Variants in P2RX3 observed in about 807,000 individuals in gnomAD.
P2RX3 encodes purinergic receptor P2X 3.
In P2RX3, 41 loss-of-function variants were observed where a neutral mutation model predicts 51.5. That is an observed-to-expected ratio of 0.80 (90% CI 0.62 to 1.03). P2RX3 has a LOEUF of 1.03. Ranked by LOEUF, P2RX3 falls within the 50% of genes least tolerant of loss-of-function variation. The probability of loss-of-function intolerance (pLI) is 0.00; values close to 1 mark genes in which losing one functional copy is unlikely to be tolerated. For missense variants in P2RX3, 459 were observed against 522.1 expected (o/e 0.88, Z 1.18); for synonymous variants, 185 against 191.6 (o/e 0.97, Z 0.29).
intron 10 of P2RX3, 28 bp downstream of exon 10, chr11:57,368,465 G>T: frequency 6.2e-7 from 1 of 1,612,162 alleles, no homozygotes. Context: ...ACGCTCTGAC[G>T]GGCCAGTCAG....
chr11:57,350,751 C>T lies in P2RX3; in HGVS notation c.706-11C>T, dbSNP rs1856531563. On this transcript the variant is annotated splice_polypyrimidine_tract_variant and intron_variant, in intron 7 of 11. Coordinates refer to ENST00000263314, the MANE Select transcript of P2RX3 (RefSeq NM_002559.5). ...GCGAGGGGAAAGCTCATACCCGGCC[C>T]GTTTCTTCAGGGGGGAGTTCTGGGC... The T allele has an allele frequency of 6.2e-7, 1 of 1,613,902 alleles. No homozygotes were observed. Among genetic ancestry groups the T allele is most frequent in the African/African-American group, 1.3e-5 (1 of 74,958 alleles).
intron 4 of P2RX3, among the ~76,000 whole-genome samples, 164 bp downstream of exon 4, chr11:57,347,642 G>T (rs1055976043): frequency 9.2e-5 from 14 of 152,184 alleles, no homozygotes; most frequent in Admixed American, 7.2e-4. Flanking sequence ...TACAAAGGTG[G>T]CATGGCCCCT....
At position 57,338,438 on chromosome 11, in the gene P2RX3, C is replaced by T; in HGVS notation, c.-113C>T. On this transcript the variant is annotated 5_prime_UTR_variant, in exon 1 of 12. Transcript: ENST00000263314. ...GGACAGGCTCCCCATTCCTCCAACC[C>T]CTCTAAGCTGCCCCCTCCAGGTCGT... is the stretch of plus-strand genomic sequence containing the variant. 1 of 633,910 alleles carries T rather than the reference C, an allele frequency of 1.6e-6. No homozygotes were observed. The highest frequency in any genetic ancestry group is 2.2e-5 in the South Asian group (1 of 44,878). 39.3% of individuals were successfully genotyped at this position (633,910 alleles called of 1,614,324 possible). A position where few individuals can be genotyped will look rare whatever the true frequency, so the allele number is the denominator to read the frequency against.
At chr11:57,350,991 C>G (rs1856538141) in intron 8 of P2RX3, 93 bp downstream of exon 8, 8 of 1,557,918 alleles carry the variant, frequency 5.1e-6, no homozygotes, top group South Asian at 2.3e-5. Context: ...ATCCATCCAC[C>G]CACCCCTGGC....
rs758612718 is a variant in P2RX3, at chr11:57,348,673, A to T, written c.532A>T (p.Ser178Cys). 6.8e-6 allele frequency: 11 copies of T among 1,613,820 alleles called. No individual in the cohort carries two copies. Among genetic ancestry groups the T allele is most frequent in the Non-Finnish European group, 9.3e-6 (11 of 1,179,984 alleles). Residue 178 changes from serine (S) to cysteine (C), a missense_variant, in exon 6 of 12, where the codon AGC (serine) becomes TGC (cysteine). Physicochemically the swap from Ser to Cys is moderately radical, Grantham distance 112. Transcript: ENST00000263314. ...AENFTIFIKN[S>C]IRFPLFNFEK... ...GAACTTCACTATTTTCATCAAGAAC[A>T]GCATCCGTTTCCCCCTCTTCAACTT...
Position 57,368,107 on chromosome 11 carries a change from G to A in P2RX3, c.936+5G>A. The A allele has an allele frequency of 6.2e-7, 1 of 1,613,702 alleles. No homozygotes were observed. Among genetic ancestry groups the A allele is most frequent in the Non-Finnish European group, 8.5e-7 (1 of 1,179,592 alleles). On this transcript the variant is annotated splice_donor_5th_base_variant and intron_variant, in intron 9 of 11. Coordinates refer to ENST00000263314, the MANE Select transcript of P2RX3 (RefSeq NM_002559.5). ...GACGTGCTGGTATACGGGAATGTGA[G>A]TCCATGGGCCAGGCAGATGGGGTGG...
At chr11:57,368,594 C>T (rs908758831) in intron 10 of P2RX3, among the ~76,000 whole-genome samples, 157 bp downstream of exon 10, 3 of 152,360 alleles carry the variant, frequency 2.0e-5, no homozygotes, top group Middle Eastern at 3.4e-3. Context: ...TTGGCCACCA[C>T]CCTGCTGCGT....
chr11:57,337,582 C>G (rs1318106573), upstream of P2RX3, among the ~76,000 whole-genome samples: 1 of 152,140 alleles, frequency 6.6e-6, no homozygotes, highest in Non-Finnish European at 1.5e-5. Context: ...GAAAACCAAA[C>G]ACCGCATATT....
Position 57,338,476 on chromosome 11 carries a change from C to A in P2RX3, c.-75C>A. ...CCCTCCAGGTCGTGATCTCGTCTCC[C>A]TGTCCTGTAGGACCTCCCTCTCCTG... On this transcript the variant is annotated 5_prime_UTR_variant, in exon 1 of 12. It adds an upstream start codon to the 5' untranslated region. Transcript: ENST00000263314. 2 of 1,016,542 alleles carry A rather than the reference C, an allele frequency of 2.0e-6. No homozygotes were observed. The highest frequency in any genetic ancestry group is 1.6e-5 in the South Asian group (1 of 63,020). 63.0% of individuals were successfully genotyped at this position (1,016,542 alleles called of 1,614,324 possible).
chr11:57,348,539 A>G, intron 5 of P2RX3, 88 bp from the exon 6 acceptor site: 1 of 1,121,702 alleles, frequency 8.9e-7, no homozygotes, highest in Non-Finnish European at 1.3e-6. Context: ...CTTTGGAGGC[A>G]TCCACCAGGA....
chr11:57,368,030 G>A lies in P2RX3; in HGVS notation c.864G>A (p.Met288Ile). ...YNFRFAKYYKMENGSEYRTLL... is the reference protein window; with the variant it reads ...YNFRFAKYYKIENGSEYRTLL... ...CCAGGTTTGCCAAGTACTACAAAAT[G>A]GAAAATGGCAGTGAGTACCGCACCC... Residue 288 changes from methionine (M) to isoleucine (I), a missense_variant, in exon 9 of 12, where the codon ATG becomes ATA. Met to Ile is a conservative substitution (Grantham distance 10). Transcript: ENST00000263314. 1.2e-6 allele frequency: 2 copies of A among 1,614,162 alleles called. No homozygotes were observed. The highest frequency in any genetic ancestry group is 1.7e-6 in the Non-Finnish European group (2 of 1,180,004).
chr11:57,368,578 GTCTC>G, intron 10 of P2RX3, 141 bp downstream of exon 10: 1 of 908,412 alleles, frequency 1.1e-6, no homozygotes. Flanking sequence ...AGGTGCTTCA[GTCTC>G]CTTGGCCACC....
intron 8 of P2RX3, among the ~76,000 whole-genome samples, chr11:57,352,336 A>G (rs1449403057): frequency 2.6e-5 from 4 of 152,226 alleles, no homozygotes; most frequent in Non-Finnish European, 1.5e-5. Context: ...AAAAAACCAT[A>G]GGAAACAACA....
In P2RX3 at chr11:57,368,456, C is replaced by G. The variant is rs768359493; in HGVS notation, c.1002+19C>G. On this transcript the variant is annotated intron_variant, in intron 10 of 11. Coordinates refer to ENST00000263314, the MANE Select transcript of P2RX3 (RefSeq NM_002559.5). ...GGGAGTGGTGAGTTCAGCCCCTCCA[C>G]GCTCTGACGGGCCAGTCAGAGTGGG... 1.2e-6 allele frequency: 2 copies of G among 1,613,688 alleles called. No individual in the cohort carries two copies. The highest frequency in any genetic ancestry group is 1.7e-6 in the Non-Finnish European group (2 of 1,179,658).
intron 5 of P2RX3, 47 bp from the exon 6 acceptor site, chr11:57,348,580 C>T: frequency 2.0e-6 from 3 of 1,505,200 alleles, no homozygotes; most frequent in African/African-American, 1.4e-5. Context: ...GCCTTCATTT[C>T]CCCCTCTTCT....
At chr11:57,351,768 G>A (rs1158810816) in intron 8 of P2RX3, among the ~76,000 whole-genome samples, 1 of 152,096 alleles carries the variant, frequency 6.6e-6, no homozygotes, top group African/African-American at 2.4e-5. Context: ...ACGTGCTGAG[G>A]ACCGTACTCA....
chr11:57,350,028 G>A lies in P2RX3; in HGVS notation c.705+130G>A, dbSNP rs1455444042. The A allele has an allele frequency of 2.2e-6, 3 of 1,368,488 alleles. No individual in the cohort carries two copies. In the African/African-American group the frequency reaches 4.3e-5, roughly 20 times the overall value. 84.8% of individuals were successfully genotyped at this position (1,368,488 alleles called of 1,614,324 possible). The stretch of plus-strand genomic sequence containing the variant: ...AGCGCCACCTGGTGGAAGCATCCCA[G>A]GCCGCCACTGGCTTTGTGCCTGAAT... On this transcript the variant is annotated intron_variant, in intron 7 of 11. Coordinates refer to ENST00000263314, the MANE Select transcript of P2RX3 (RefSeq NM_002559.5).
chr11:57,347,039 G>A (rs1856449031), intron 2 of P2RX3, 77 bp from the exon 3 acceptor site: 3 of 1,393,700 alleles, frequency 2.2e-6, no homozygotes, highest in African/African-American at 1.4e-5. Context: ...TCTGTAGAGT[G>A]GGGATAATCA....
At chr11:57,354,425 C>A (rs369799673) in intron 8 of P2RX3, among the ~76,000 whole-genome samples, 1 of 152,168 alleles carries the variant, frequency 6.6e-6, no homozygotes, top group Non-Finnish European at 1.5e-5. Flanking sequence ...TTCTAGCAGA[C>A]AAAATGCAGC....
Sources: gnomAD v4.1 joint callset for allele counts (sites outside exome capture counted in the v4.1 genomes callset) on GRCh38, gnomAD v4.1.1 for gene constraint, MANE v1.5 for transcripts, NCBI Gene and HGNC (gene_info 2026-07-23, HGNC 2026-07-21) for gene names.